The following ENTPD3 variants were observed in gnomAD, a reference collection of about 807,000 sequenced individuals.
ENTPD3 encodes ectonucleoside triphosphate diphosphohydrolase 3.
In ENTPD3, 60 loss-of-function variants were observed where a neutral mutation model predicts 51.2. The observed-to-expected ratio is 1.17, with a 90% CI of 0.95 to 1.45. The LOEUF is 1.45. Ranked by LOEUF, ENTPD3 falls within the 40% of genes most tolerant of loss-of-function variation. ENTPD3 has a pLI of 0.00. For synonymous variants in ENTPD3, 221 were observed against 238.4 expected (o/e 0.93, Z 0.67); for missense variants, 593 against 641.1 (o/e 0.93, Z 0.81).
At chr3:40,415,651 C>G (rs1052957082) in intron 6 of ENTPD3, among the ~76,000 whole-genome samples, 189 bp from the exon 7 acceptor site, 1 of 152,176 alleles carries the variant, frequency 6.6e-6, no homozygotes, top group African/African-American at 2.4e-5. Flanking sequence ...TATTACTTAC[C>G]TATGTTACCT....
intron 4 of ENTPD3, among the ~76,000 whole-genome samples, chr3:40,406,645 C>A (rs75429245): frequency 0.044 from 6,757 of 152,198 alleles, 450 homozygotes; most frequent in African/African-American, 0.15. Flanking sequence ...GAATTTGTCT[C>A]CCGGGAAACA....
At chr3:40,419,054 T>C (rs908886353) in intron 7 of ENTPD3, among the ~76,000 whole-genome samples, 3 of 152,210 alleles carry the variant, frequency 2.0e-5, no homozygotes, top group African/African-American at 7.2e-5. Context: ...CTTAATATGT[T>C]GTTCTTCTAC....
chr3:40,419,082 A>T (rs1955807144), intron 7 of ENTPD3, among the ~76,000 whole-genome samples: 1 of 152,154 alleles, frequency 6.6e-6, no homozygotes, highest in Non-Finnish European at 1.5e-5. Context: ...AGGTCAGTAT[A>T]TTAACTTATT....
intron 5 of ENTPD3, 42 bp downstream of exon 5, chr3:40,412,004 A>C: frequency 1.3e-6 from 2 of 1,550,152 alleles, no homozygotes; most frequent in Non-Finnish European, 1.7e-6. Context: ...TGACCAAAAT[A>C]ACCAAGAATA....
intron 7 of ENTPD3, among the ~76,000 whole-genome samples, chr3:40,421,769 G>C (rs187290697): frequency 2.7e-4 from 41 of 152,208 alleles, no homozygotes; most frequent in Admixed American, 7.2e-4. Flanking sequence ...GGGTAGAATG[G>C]GGTATATAAA....
chr3:40,408,631 G>A (rs1955557992), intron 4 of ENTPD3, among the ~76,000 whole-genome samples: 1 of 152,168 alleles, frequency 6.6e-6, no homozygotes, highest in African/African-American at 2.4e-5. Flanking sequence ...ATGCCTGAGA[G>A]CTTAATCTCA....
intron 4 of ENTPD3, among the ~76,000 whole-genome samples, chr3:40,409,683 C>A (rs1955584929): frequency 2.0e-5 from 3 of 152,152 alleles, no homozygotes; most frequent in African/African-American, 7.2e-5. Flanking sequence ...TCCAGAGGGA[C>A]CATATTCTCT....
At chr3:40,413,109 G>A (rs1030631590) in intron 5 of ENTPD3, among the ~76,000 whole-genome samples, 1 of 152,176 alleles carries the variant, frequency 6.6e-6, no homozygotes. Context: ...ATCTGCTATA[G>A]TGGATGCTTC....
rs972010166 is a variant in ENTPD3, at chr3:40,388,082, C to A, written c.25C>A (p.Pro9Thr). ...GATGTTCACTGTGCTGACCCGCCAA[C>A]CATGTGAGCAAGCAGGTTAGTATCT... Reference protein sequence around the residue: MFTVLTRQPCEQAGLKALY... With the variant: MFTVLTRQTCEQAGLKALY... Residue 9 changes from proline to threonine, a missense_variant, in exon 2 of 11, where the codon CCA (proline) becomes ACA (threonine). Pro to Thr is a conservative substitution (Grantham distance 38). Coordinates refer to ENST00000301825, the MANE Select transcript of ENTPD3 (RefSeq NM_001248.4). 3 of 1,614,034 alleles carry A rather than the reference C, an allele frequency of 1.9e-6. No individual in the cohort carries two copies. The highest frequency in any genetic ancestry group is 2.7e-5 in the African/African-American group (2 of 74,918).
chr3:40,417,222 C>G (rs2125606872), intron 7 of ENTPD3, among the ~76,000 whole-genome samples: 1 of 152,290 alleles, frequency 6.6e-6, no homozygotes, highest in South Asian at 2.1e-4. Context: ...AACTACCCTT[C>G]TGTAGTAATC....
At chr3:40,398,997 G>A (rs1015812038) in intron 3 of ENTPD3, among the ~76,000 whole-genome samples, 3 of 152,128 alleles carry the variant, frequency 2.0e-5, no homozygotes, top group African/African-American at 2.4e-5. Context: ...GGAGGTGGGT[G>A]AATCACTTGA....
At chr3:40,389,073 T>C (rs375167878) in intron 2 of ENTPD3, among the ~76,000 whole-genome samples, 1 of 152,194 alleles carries the variant, frequency 6.6e-6, no homozygotes, top group East Asian at 1.9e-4. Flanking sequence ...TAAAGGGACA[T>C]TGCACTTGAG....
At chr3:40,388,267 A>G (rs1182219018) in intron 2 of ENTPD3, among the ~76,000 whole-genome samples, 170 bp downstream of exon 2, 1 of 152,192 alleles carries the variant, frequency 6.6e-6, no homozygotes, top group Non-Finnish European at 1.5e-5. Flanking sequence ...AAATAAAAGT[A>G]ATGCTTTTCA....
In ENTPD3 at chr3:40,387,235, C is replaced by T. The variant is rs1040898011; in HGVS notation, c.-39C>T. ...GGGCCGCCTCTGCGGCAGCGCTAGT[C>T]GCCTTCTCCGAATCGGCTCCGCACA... On this transcript the variant is annotated 5_prime_UTR_variant, in exon 1 of 11. Transcript: ENST00000301825. 6.6e-6 allele frequency: 1 copy of T among 152,338 alleles called. No individual in the cohort carries two copies. Among genetic ancestry groups the T allele is most frequent in the Non-Finnish European group, 1.5e-5 (1 of 68,142 alleles). 9.4% of individuals were successfully genotyped at this position (152,338 alleles called of 1,614,324 possible).
intron 7 of ENTPD3, among the ~76,000 whole-genome samples, chr3:40,418,234 G>C (rs572398933): frequency 6.6e-6 from 1 of 152,258 alleles, no homozygotes; most frequent in East Asian, 1.9e-4. Context: ...TCTGCCCTCA[G>C]AGGCTTCTGA....
intron 3 of ENTPD3, among the ~76,000 whole-genome samples, chr3:40,393,663 A>AC (rs753166637): frequency 6.6e-6 from 1 of 150,762 alleles, no homozygotes; most frequent in Non-Finnish European, 1.5e-5. Flanking sequence ...TTAAAAAAAA[A>AC]CCTTATGCAA....
chr3:40,424,791 G>GATGT (rs757082548), intron 10 of ENTPD3: 1 of 701,894 alleles, frequency 1.4e-6, no homozygotes, highest in South Asian at 1.5e-5. Flanking sequence ...AAGCCTGAAG[G>GATGT]ATGTCTGGAG....
intron 7 of ENTPD3, among the ~76,000 whole-genome samples, chr3:40,417,493 A>G (rs1337731157): frequency 6.6e-6 from 1 of 152,106 alleles, no homozygotes; most frequent in Non-Finnish European, 1.5e-5. Context: ...CACTATCATG[A>G]GAACAGCAAG....
intron 9 of ENTPD3, 94 bp downstream of exon 9, chr3:40,423,495 C>A: frequency 2.2e-6 from 2 of 904,600 alleles, no homozygotes; most frequent in Non-Finnish European, 3.4e-6. Context: ...CCTTTATGCT[C>A]TTCTATTTCC....
Sources: allele counts gnomAD v4.1 joint callset (sites outside exome capture counted in the v4.1 genomes callset), GRCh38; gene constraint gnomAD v4.1.1; transcripts MANE v1.5; gene names NCBI Gene and HGNC (gene_info 2026-07-23, HGNC 2026-07-21).